Variants in RPS6KA3 observed in about 807,000 individuals in gnomAD.
The protein encoded by RPS6KA3 is ribosomal protein S6 kinase alpha-3.
Under a neutral mutation model 67.2 loss-of-function variants are expected in RPS6KA3, and 4 were observed. That is an observed-to-expected ratio of 0.06 (90% CI 0.03 to 0.14). The LOEUF (loss-of-function observed/expected upper bound fraction) is 0.14, where lower values mean the gene tolerates loss of function less well. RPS6KA3 is among the 10% of genes least tolerant of loss of function. RPS6KA3 has a pLI of 1.00. For missense variants in RPS6KA3, 204 were observed against 559.0 expected, an observed-to-expected ratio of 0.36 and a Z score of 6.40; for synonymous variants, 182 against 183.7, an observed-to-expected ratio of 0.99 and a Z score of 0.07.
chrX:20,185,122 T>G (rs1400737717), intron 10 of RPS6KA3, among the ~76,000 whole-genome samples: 2 of 111,111 alleles, frequency 1.8e-5, no homozygotes, highest in Non-Finnish European at 3.8e-5. Flanking sequence ...ATTTTTTCTA[T>G]TTTTAGTAGA....
chrX:20,163,169 T>G (rs950625007), intron 18 of RPS6KA3, 129 bp from the exon 19 acceptor site: 2 of 501,895 alleles, frequency 4.0e-6, no homozygotes, highest in Non-Finnish European at 3.6e-6. Flanking sequence ...GGTTACCAAA[T>G]AAGGCAATAC....
At chrX:20,180,058 G>A (rs1245358881) in intron 10 of RPS6KA3, among the ~76,000 whole-genome samples, 2 of 110,480 alleles carry the variant, frequency 1.8e-5, no homozygotes, top group Non-Finnish European at 3.8e-5. Context: ...CACTGCATTC[G>A]AGTCTGGGCA....
chrX:20,167,552 T>C, intron 17 of RPS6KA3, 37 bp downstream of exon 17: 2 of 1,152,673 alleles, frequency 1.7e-6, no homozygotes, highest in Admixed American at 2.2e-5. Context: ...AGGAAAAAAG[T>C]GTGTGTATGT....
At chrX:20,215,820 C>CA (rs755476886) in intron 2 of RPS6KA3, among the ~76,000 whole-genome samples, 5 of 112,359 alleles carry the variant, frequency 4.5e-5, no homozygotes, top group African/African-American at 1.6e-4. Flanking sequence ...AAGCCAAGAA[C>CA]AGACTGACAT....
intron 2 of RPS6KA3, among the ~76,000 whole-genome samples, chrX:20,225,570 T>A (rs780444584): frequency 9.0e-6 from 1 of 111,306 alleles, no homozygotes; most frequent in Non-Finnish European, 1.9e-5. Context: ...TAAGTGTTAT[T>A]AATATACCAT....
chrX:20,169,869 C>T (rs913832177), intron 15 of RPS6KA3, among the ~76,000 whole-genome samples: 2 of 111,055 alleles, frequency 1.8e-5, no homozygotes, highest in African/African-American at 3.4e-5. Context: ...CAACTTCTAA[C>T]CCCCCATCAA....
intron 1 of RPS6KA3, among the ~76,000 whole-genome samples, chrX:20,259,428 T>C (rs1295760213): frequency 1.8e-5 from 2 of 112,063 alleles, no homozygotes; most frequent in African/African-American, 6.5e-5. Flanking sequence ...TAAATTATTT[T>C]TAACTTTTAT....
intron 2 of RPS6KA3, among the ~76,000 whole-genome samples, chrX:20,210,056 A>T (rs2068673513): frequency 8.9e-6 from 1 of 112,339 alleles, no homozygotes; most frequent in Admixed American, 9.4e-5. Context: ...GGATAATCAG[A>T]CATGGAAAAA....
Position 20,266,741 on chromosome X carries a change from GGCGGCGGCA to G in RPS6KA3, c.-118_-110del, listed in dbSNP as rs1414764503. The G allele has an allele frequency of 1.8e-3, 604 of 330,629 alleles. No individual in the cohort carries two copies. Among genetic ancestry groups the G allele is most frequent in the Non-Finnish European group, 2.0e-3 (560 of 284,626 alleles). 27.2% of individuals were successfully genotyped at this position (330,629 alleles called of 1,213,427 possible). A position where few individuals can be genotyped will look rare whatever the true frequency, so the allele number is the denominator to read the frequency against. On this transcript the variant is annotated 5_prime_UTR_variant, in exon 1 of 22. Coordinates refer to ENST00000379565, the MANE Select transcript of RPS6KA3 (RefSeq NM_004586.3). ...CCACGGCAGCGGCGGCGGCGGCGGCGGCGGCGGCAGCGGCAGCGGCAGCGGCAGCAGCAG... is the reference window on the plus strand; with the variant it reads ...CCACGGCAGCGGCGGCGGCGGCGGCGGCGGCAGCGGCAGCGGCAGCAGCAG...
At chrX:20,208,218 T>C (rs1043141731) in intron 3 of RPS6KA3, among the ~76,000 whole-genome samples, 9 of 110,690 alleles carry the variant, frequency 8.1e-5, no homozygotes, top group South Asian at 7.7e-4. Flanking sequence ...CCTATGAGAA[T>C]TGAATGCTGC....
intron 1 of RPS6KA3, among the ~76,000 whole-genome samples, chrX:20,255,750 T>C (rs2070028297): frequency 1.4e-5 from 1 of 72,381 alleles, no homozygotes; most frequent in South Asian, 1.0e-3. Context: ...ACTGCACCAC[T>C]GCATACTCCA....
intron 1 of RPS6KA3, among the ~76,000 whole-genome samples, chrX:20,236,556 C>T (rs2148787966): frequency 9.0e-6 from 1 of 111,328 alleles, no homozygotes; most frequent in South Asian, 3.8e-4. Context: ...ATGTTCTAGG[C>T]ACTGAGCTGG....
At chrX:20,226,975 C>G (rs137934177) in intron 2 of RPS6KA3, among the ~76,000 whole-genome samples, 1 of 111,966 alleles carries the variant, frequency 8.9e-6, no homozygotes, top group African/African-American at 3.2e-5. Context: ...TTAGTTACAT[C>G]TCTTGTGTAC....
At position 20,175,161 on chromosome X, in the gene RPS6KA3, C is replaced by G; in HGVS notation, c.1227+3G>C. ...ATCTAAAATTATTTAGACATCCACT[C>G]ACCTGAACAATTGAATGTACACCAA... On this transcript the variant is annotated splice_donor_region_variant and intron_variant, in intron 14 of 21. Transcript: ENST00000379565. 8.3e-7 allele frequency: 1 copy of G among 1,203,742 alleles called. No homozygotes were observed. The highest frequency in any genetic ancestry group is 1.1e-6 in the Non-Finnish European group (1 of 888,097).
At chrX:20,239,095 C>G (rs1342517748) in intron 1 of RPS6KA3, among the ~76,000 whole-genome samples, 2 of 111,029 alleles carry the variant, frequency 1.8e-5, no homozygotes, top group African/African-American at 6.5e-5. Context: ...CATTTAAACC[C>G]CAATTCTGTC....
rs2068235751 is a variant in RPS6KA3 at position 20,195,011 on chromosome X, AG to A, written c.406+53del. 6 of 706,508 alleles carry A rather than the reference AG, an allele frequency of 8.5e-6. No individual in the cohort carries two copies. The South Asian group carries it at 1.1e-4, about 13-fold the overall frequency. The allele number at this position is 706,508 out of a possible 1,213,427, so 58.2% of individuals were successfully genotyped here. Reference sequence around the variant, plus strand: ...TATATTAGTTTATCTGAATGTCCTCAGGGATTTTGAGGGATGAGGTCAAGGG... The same window carrying A: ...TATATTAGTTTATCTGAATGTCCTCAGGATTTTGAGGGATGAGGTCAAGGG... On this transcript the variant is annotated intron_variant, in intron 5 of 21. Transcript: ENST00000379565.
At chrX:20,209,199 C>T in intron 3 of RPS6KA3, 89 bp downstream of exon 3, 1 of 568,873 alleles carries the variant, frequency 1.8e-6, no homozygotes, top group Non-Finnish European at 3.1e-6. Flanking sequence ...AGACTGGTAG[C>T]ATTTCATAAA....
At chrX:20,158,787 T>C (rs1256935269) in intron 20 of RPS6KA3, among the ~76,000 whole-genome samples, 1 of 111,624 alleles carries the variant, frequency 9.0e-6, no homozygotes, top group Admixed American at 9.6e-5. Flanking sequence ...TCCCCTAAGC[T>C]TTCTCTTTAA....
chrX:20,204,985 T>A (rs2068540084), intron 3 of RPS6KA3, among the ~76,000 whole-genome samples: 1 of 112,053 alleles, frequency 8.9e-6, no homozygotes, highest in Admixed American at 9.4e-5. Context: ...TGCACAAATA[T>A]TTAATGTGAC....
Sources: allele counts gnomAD v4.1 joint callset (sites outside exome capture counted in the v4.1 genomes callset), GRCh38; gene constraint gnomAD v4.1.1; transcripts MANE v1.5; gene names NCBI Gene and HGNC (gene_info 2026-07-23, HGNC 2026-07-21).